The following P4HA3 variants were observed in gnomAD, a reference collection of about 807,000 sequenced individuals.
P4HA3 encodes prolyl 4-hydroxylase subunit alpha 3.
P4HA3 carries 60 observed loss-of-function variants against 66.7 expected under a neutral mutation model. The ratio of observed to expected loss-of-function variants is 0.90; its 90% CI spans 0.73 to 1.12. The LOEUF (loss-of-function observed/expected upper bound fraction) is 1.12. Ranked by LOEUF, P4HA3 falls within the 50% of genes most tolerant of loss-of-function variation. P4HA3 has a pLI of 0.00. For synonymous variants in P4HA3, 263 were observed against 274.6 expected, an observed-to-expected ratio of 0.96 and a Z score of 0.42; for missense variants, 683 against 685.8, an observed-to-expected ratio of 1.00 and a Z score of 0.05.
chr11:74,307,813 A>G (rs758894315), intron 1 of P4HA3, among the ~76,000 whole-genome samples: 3 of 152,178 alleles, frequency 2.0e-5, no homozygotes, highest in Non-Finnish European at 2.9e-5. Flanking sequence ...TACATGGGCT[A>G]TTTCACTTCA....
At chr11:74,250,878 C>A in intron 15 of P4HA3, 2 of 1,320,920 alleles carry the variant, frequency 1.5e-6, no homozygotes, top group Non-Finnish European at 2.1e-6. Flanking sequence ...TCCTGGGCTC[C>A]TGGAATGACC....
At chr11:74,289,003 A>T (rs1390126439) in intron 5 of P4HA3, 76 bp downstream of exon 5, 1 of 1,068,348 alleles carries the variant, frequency 9.4e-7, no homozygotes, top group Admixed American at 3.2e-5. Context: ...CTCTTGCAGG[A>T]ATTAAAGGCC....
chr11:74,292,993 T>G (rs1178535202), intron 4 of P4HA3, among the ~76,000 whole-genome samples: 2 of 151,756 alleles, frequency 1.3e-5, no homozygotes. Context: ...TCAATTCCTG[T>G]GTATCCTTGT....
chr11:74,291,159 C>A (rs373095733), intron 4 of P4HA3, among the ~76,000 whole-genome samples: 356 of 152,056 alleles, frequency 2.3e-3, no homozygotes, highest in African/African-American at 7.7e-3. Flanking sequence ...GAGGTCCTTC[C>A]CATCCCTTGT....
At chr11:74,273,779 C>T (rs1860290435) in intron 9 of P4HA3, among the ~76,000 whole-genome samples, 172 bp from the exon 10 acceptor site, 1 of 1,868 alleles carries the variant, frequency 5.4e-4, no homozygotes, top group South Asian at 0.045. Context: ...GTACTCAATA[C>T]AATTTTTTTT....
chr11:74,296,995 G>A (rs890194168), intron 4 of P4HA3, among the ~76,000 whole-genome samples: 2 of 144,144 alleles, frequency 1.4e-5, no homozygotes, highest in Non-Finnish European at 3.0e-5. Context: ...GCAATAGCTC[G>A]ATCTCTGCTC....
Position 74,311,496 on chromosome 11 carries a change from C to G in P4HA3, c.116G>C (p.Arg39Pro). The G allele has an allele frequency of 6.5e-7, 1 of 1,534,594 alleles. No individual in the cohort carries two copies. Among genetic ancestry groups the G allele is most frequent in the Non-Finnish European group, 8.7e-7 (1 of 1,148,074 alleles). Residue 39 changes from arginine (R) to proline (P), a missense_variant, in exon 1 of 13, where the codon CGC becomes CCC. Physicochemically the swap from Arg to Pro is moderately radical, Grantham distance 103 (BLOSUM62 -2). Transcript: ENST00000331597. ...CAGCCGGCGCTCGGGCGCCAGGGCGCGCGCCACGCTGGTCAGCGCCGAGAA... is the reference window on the plus strand; with the variant it reads ...CAGCCGGCGCTCGGGCGCCAGGGCGGGCGCCACGCTGGTCAGCGCCGAGAA... ...DTFSALTSVA[R>P]ALAPERRLLG...
intron 9 of P4HA3, among the ~76,000 whole-genome samples, chr11:74,274,470 TAA>T (rs1860325551): frequency 6.7e-6 from 1 of 148,244 alleles, no homozygotes. Flanking sequence ...CATGCCCAGC[TAA>T]TTTTTTTTTT....
At chr11:74,305,131 G>A (rs112419668) in intron 1 of P4HA3, among the ~76,000 whole-genome samples, 5 of 151,938 alleles carry the variant, frequency 3.3e-5, no homozygotes, top group East Asian at 1.9e-4. Flanking sequence ...GACTGGTACC[G>A]GTCCCTGGCC....
chr11:74,260,269 G>T (rs1859886421), intron 14 of P4HA3: 1 of 152,278 alleles, frequency 6.6e-6, no homozygotes, highest in Non-Finnish European at 1.5e-5. Context: ...CAGGGAGCTG[G>T]ATAGGGAGGG....
chr11:74,304,898 G>T (rs979323435), intron 1 of P4HA3, among the ~76,000 whole-genome samples: 3 of 152,112 alleles, frequency 2.0e-5, no homozygotes, highest in Admixed American at 1.3e-4. Flanking sequence ...TTGGGGGATG[G>T]TTTCGGGATG....
At position 74,299,284 on chromosome 11, in the gene P4HA3, T is replaced by C. The variant is rs544802859; in HGVS notation, c.568-923A>G. Among the ~76,000 whole-genome samples the C allele has an allele frequency of 1.3e-4, 20 of 152,320 alleles. 1 individual carries two copies. In the South Asian group the frequency reaches 2.7e-3, roughly 21 times the overall value. ...AAGTGGAATTTCCTGGAAGTTGATA[T>C]TGGAGACAACATGGAACTGTAAAGT... On this transcript the variant is annotated intron_variant, in intron 3 of 12. Coordinates refer to ENST00000331597, the MANE Select transcript of P4HA3 (RefSeq NM_182904.5).
intron 7 of P4HA3, among the ~76,000 whole-genome samples, chr11:74,284,578 A>C (rs1178748535): frequency 1.3e-5 from 2 of 152,190 alleles, no homozygotes; most frequent in Non-Finnish European, 2.9e-5. Flanking sequence ...TTACATTATA[A>C]CTAAATTTTT....
At chr11:74,276,626 T>A (rs555730576) in intron 9 of P4HA3, among the ~76,000 whole-genome samples, 134 of 152,146 alleles carry the variant, frequency 8.8e-4, no homozygotes, top group Middle Eastern at 3.4e-3. Context: ...TCTAAAATTT[T>A]AAAAAAATTA....
At chr11:74,298,419 T>C in intron 3 of P4HA3, 58 bp from the exon 4 acceptor site, 1 of 1,559,378 alleles carries the variant, frequency 6.4e-7, no homozygotes, top group Non-Finnish European at 8.7e-7. Flanking sequence ...AAAAAGAAAA[T>C]GACAATTCAA....
At chr11:74,310,047 ACG>A (rs1355579908) in intron 1 of P4HA3, among the ~76,000 whole-genome samples, 2 of 152,170 alleles carry the variant, frequency 1.3e-5, no homozygotes, top group African/African-American at 4.8e-5. Flanking sequence ...ACACACACTC[ACG>A]CAAAGTTTTA....
chr11:74,279,818 TCAGG>T (rs1565409811), intron 7 of P4HA3, among the ~76,000 whole-genome samples: 1 of 151,788 alleles, frequency 6.6e-6, no homozygotes, highest in Non-Finnish European at 1.5e-5. Flanking sequence ...TTTCCCAGGG[TCAGG>T]CACAGGGCCT....
In P4HA3 at chr11:74,306,004, A is replaced by C. The variant is rs114658074; in HGVS notation, c.201-1592T>G. On this transcript the variant is annotated intron_variant, in intron 1 of 12. Transcript: ENST00000331597. ...CCAGAGCAGGTTAGAGAAGGCTTTAAGTGAGAGTGGTACTGTTGAAACTAT... is the reference window on the plus strand; with the variant it reads ...CCAGAGCAGGTTAGAGAAGGCTTTACGTGAGAGTGGTACTGTTGAAACTAT... Among the ~76,000 whole-genome samples, 372 of 152,270 alleles carry C rather than the reference A, an allele frequency of 2.4e-3. 4 individuals are homozygous for C. The highest frequency in any genetic ancestry group is 6.7e-3 in the African/African-American group (277 of 41,566).
chr11:74,256,853 G>A (rs1350641026), intron 15 of P4HA3, among the ~76,000 whole-genome samples: 5 of 152,182 alleles, frequency 3.3e-5, no homozygotes, highest in African/African-American at 1.2e-4. Flanking sequence ...GAGGACTGAA[G>A]ACAAAGCCAT....
Sources: gnomAD v4.1 joint callset for allele counts (sites outside exome capture counted in the v4.1 genomes callset) on GRCh38, gnomAD v4.1.1 for gene constraint, MANE v1.5 for transcripts, NCBI Gene and HGNC (gene_info 2026-07-23, HGNC 2026-07-21) for gene names.